Variants in PHKB observed in about 807,000 individuals in gnomAD.
PHKB encodes phosphorylase kinase regulatory subunit beta.
In PHKB, 122 loss-of-function variants were observed where a neutral mutation model predicts 152.1. The ratio of observed to expected loss-of-function variants is 0.80; its 90% CI spans 0.69 to 0.93. The LOEUF (loss-of-function observed/expected upper bound fraction) is 0.93, where lower values mean the gene tolerates loss of function less well. Ranked by LOEUF, PHKB falls within the 40% of genes least tolerant of loss-of-function variation. The pLI is 0.00. For synonymous variants in PHKB, 436 were observed against 464.9 expected, an observed-to-expected ratio of 0.94 and a Z score of 0.80; for missense variants, 1,304 against 1,328.4, an observed-to-expected ratio of 0.98 and a Z score of 0.29.
At chr16:47,698,284 T>G (rs1373969956) in intron 29 of PHKB, among the ~76,000 whole-genome samples, 164 bp from the exon 30 acceptor site, 1 of 152,248 alleles carries the variant, frequency 6.6e-6, no homozygotes, top group East Asian at 1.9e-4. Context: ...CAAACAGAAT[T>G]TATGCAAATA....
intron 16 of PHKB, among the ~76,000 whole-genome samples, chr16:47,643,854 G>A (rs987493770): frequency 1.3e-5 from 2 of 152,196 alleles, no homozygotes; most frequent in Non-Finnish European, 2.9e-5. Context: ...TGTGATGACT[G>A]TAGTGTGATT....
chr16:47,681,693 C>T (rs1447205675), intron 26 of PHKB, among the ~76,000 whole-genome samples: 1 of 152,102 alleles, frequency 6.6e-6, no homozygotes, highest in Non-Finnish European at 1.5e-5. Flanking sequence ...TTCCTGAATA[C>T]AGCACACTGA....
At chr16:47,572,854 TC>T (rs1971686055) in intron 7 of PHKB, among the ~76,000 whole-genome samples, 1 of 152,164 alleles carries the variant, frequency 6.6e-6, no homozygotes, top group Admixed American at 6.5e-5. Context: ...GTTTTCTCCT[TC>T]CTGAGCACCG....
intron 7 of PHKB, among the ~76,000 whole-genome samples, chr16:47,563,994 C>CTTTTTTTTT (rs899061752): frequency 1.2e-5 from 1 of 82,050 alleles, no homozygotes. Flanking sequence ...TTATTTCATT[C>CTTTTTTTTT]TTTTTTTTTT....
intron 7 of PHKB, chr16:47,566,997 T>C: frequency 2.3e-6 from 1 of 429,512 alleles, no homozygotes; most frequent in Non-Finnish European, 4.2e-6. Flanking sequence ...ACTATAGCCT[T>C]GTAGTATAAT....
chr16:47,522,889 G>C (rs1251876640), intron 6 of PHKB, among the ~76,000 whole-genome samples: 1 of 150,390 alleles, frequency 6.6e-6, no homozygotes, highest in Non-Finnish European at 1.5e-5. Flanking sequence ...CCATGATGGT[G>C]GGAAAACATC....
At chr16:47,597,836 A>G (rs1190756014) in intron 13 of PHKB, 2 of 151,778 alleles carry the variant, frequency 1.3e-5, no homozygotes, top group Non-Finnish European at 2.9e-5. Context: ...TAATTAGGTT[A>G]AGAAAATTAA....
chr16:47,674,781 A>G (rs1597169497), intron 26 of PHKB, among the ~76,000 whole-genome samples: 1 of 152,280 alleles, frequency 6.6e-6, no homozygotes, highest in East Asian at 1.9e-4. Flanking sequence ...AACCCTTGGT[A>G]CTGTTTACTG....
At chr16:47,482,868 ACACCAC>A (rs1741445507) in intron 1 of PHKB, among the ~76,000 whole-genome samples, 1 of 149,346 alleles carries the variant, frequency 6.7e-6, no homozygotes, top group Non-Finnish European at 1.5e-5. Flanking sequence ...TTGCAGGCAC[ACACCAC>A]CATGCCTGAC....
intron 28 of PHKB, 144 bp from the exon 29 acceptor site, chr16:47,696,237 T>C (rs769972145): frequency 4.1e-5 from 28 of 690,746 alleles, no homozygotes; most frequent in Middle Eastern, 7.5e-4. Context: ...TTGACATATA[T>C]AAAATCCAGT....
At chr16:47,521,515 C>T (rs1970684590) in intron 6 of PHKB, among the ~76,000 whole-genome samples, 1 of 152,010 alleles carries the variant, frequency 6.6e-6, no homozygotes, top group African/African-American at 2.4e-5. Context: ...ATTAGCTTGG[C>T]TTGGTGGCGT....
intron 1 of PHKB, among the ~76,000 whole-genome samples, chr16:47,464,800 A>T (rs1056286409): frequency 6.6e-6 from 1 of 152,234 alleles, no homozygotes; most frequent in Non-Finnish European, 1.5e-5. Context: ...AACTTGGGCC[A>T]TTTAAAACCT....
At chr16:47,680,374 A>G (rs1235840558) in intron 26 of PHKB, among the ~76,000 whole-genome samples, 3 of 152,192 alleles carry the variant, frequency 2.0e-5, no homozygotes, top group Non-Finnish European at 2.9e-5. Context: ...CTCTGGTAGA[A>G]TTTGGCTGTG....
intron 8 of PHKB, among the ~76,000 whole-genome samples, chr16:47,585,333 A>G (rs1180618687): frequency 6.6e-6 from 1 of 152,240 alleles, no homozygotes; most frequent in Non-Finnish European, 1.5e-5. Context: ...GATACTGACA[A>G]ATGAGCCGAG....
chr16:47,623,446 G>A (rs1001066175), intron 14 of PHKB, among the ~76,000 whole-genome samples: 1 of 145,070 alleles, frequency 6.9e-6, no homozygotes, highest in Non-Finnish European at 1.5e-5. Context: ...GACTATCACT[G>A]TATAGACAGA....
At chr16:47,568,372 T>C (rs572148505) in intron 7 of PHKB, among the ~76,000 whole-genome samples, 1 of 152,356 alleles carries the variant, frequency 6.6e-6, no homozygotes, top group East Asian at 1.9e-4. Flanking sequence ...CAGTATCAGT[T>C]ATAATGTCTG....
At chr16:47,660,255 C>T (rs956707734) in intron 20 of PHKB, among the ~76,000 whole-genome samples, 1 of 152,104 alleles carries the variant, frequency 6.6e-6, no homozygotes, top group Non-Finnish European at 1.5e-5. Context: ...ACAGAGAGTC[C>T]ATCTCATGTT....
intron 12 of PHKB, among the ~76,000 whole-genome samples, chr16:47,595,349 G>C (rs1597110996): frequency 1.3e-5 from 2 of 152,148 alleles, no homozygotes; most frequent in Non-Finnish European, 2.9e-5. Context: ...AGGGAAATCT[G>C]TGCAATTTCA....
At chr16:47,491,848 G>T (rs137941443) in intron 1 of PHKB, among the ~76,000 whole-genome samples, 1 of 152,126 alleles carries the variant, frequency 6.6e-6, no homozygotes, top group South Asian at 2.1e-4. Context: ...GGTATCTGGC[G>T]CCCCGTGTTT....
Sources: gnomAD v4.1 joint callset for allele counts (sites outside exome capture counted in the v4.1 genomes callset) on GRCh38, gnomAD v4.1.1 for gene constraint, MANE v1.5 for transcripts, NCBI Gene and HGNC (gene_info 2026-07-23, HGNC 2026-07-21) for gene names.